ZSCAN10: variants seen among roughly 807,000 people sequenced by gnomAD.
ZSCAN10 encodes the protein zinc finger and SCAN domain-containing protein 10.
A neutral mutation model predicts 63.7 loss-of-function variants in ZSCAN10; 52 were observed. The observed-to-expected ratio is 0.82, with a 90% confidence interval of 0.65 to 1.03. The LOEUF (loss-of-function observed/expected upper bound fraction) is 1.03, where lower values mean the gene tolerates loss of function less well. ZSCAN10 is among the 50% of genes least tolerant of loss of function. The probability of loss-of-function intolerance (pLI) is 0.00; values close to 1 mark genes in which losing one functional copy is unlikely to be tolerated. For missense variants in ZSCAN10, 1,223 were observed against 1,103.8 expected, an observed-to-expected ratio of 1.11 and a Z score of -1.53; for synonymous variants, 544 against 479.6, an observed-to-expected ratio of 1.13 and a Z score of -1.76.
At chr16:3,096,219 G>A (rs1380184144) in intron 1 of ZSCAN10, among the ~76,000 whole-genome samples, 1 of 151,538 alleles carries the variant, frequency 6.6e-6, no homozygotes, top group Non-Finnish European at 1.5e-5. Flanking sequence ...TTTCTGAGCA[G>A]AGCAGAGCAG....
rs1405689803 is a variant in ZSCAN10, at chr16:3,097,396, G to T, written c.-68+1794C>A. ...CATCTCCCAACCTCAGCCACCTGGG[G>T]AAGGACTCTGACAAAATGGAACGGG... On this transcript the variant is annotated intron_variant, in intron 1 of 5. Coordinates refer to ENST00000576985, the MANE Select transcript of ZSCAN10 (RefSeq NM_032805.3). Among the ~76,000 whole-genome samples the T allele has an allele frequency of 2.6e-5, 4 of 152,240 alleles. No homozygotes were observed. In the East Asian group the frequency reaches 5.8e-4, roughly 22 times the overall value.
Position 3,089,558 on chromosome 16 carries a change from G to A in ZSCAN10, c.1876C>T (p.Arg626Cys). Residue 626 changes from arginine to cysteine, a missense_variant, in exon 6 of 6, where the codon CGC becomes TGC. Transcript: ENST00000576985. ...GQTQDLARHQ[R>C]SHTGEKPCRC... Reference sequence around the variant, plus strand: ...CAGGGCTTCTCGCCCGTGTGGCTGCGCTGGTGGCGGGCCAGATCCTGGGTC... The same window carrying A: ...CAGGGCTTCTCGCCCGTGTGGCTGCACTGGTGGCGGGCCAGATCCTGGGTC... 1.9e-6 allele frequency: 3 copies of A among 1,597,964 alleles called. No individual in the cohort carries two copies. The highest frequency in any genetic ancestry group is 2.2e-5 in the South Asian group (2 of 89,710).
intron 1 of ZSCAN10, among the ~76,000 whole-genome samples, chr16:3,097,491 A>G (rs748829908): frequency 1.3e-5 from 2 of 152,164 alleles, no homozygotes; most frequent in Admixed American, 6.5e-5. Flanking sequence ...TCAAGCTCCC[A>G]GTTTGGGAGG....
At chr16:3,092,501 A>G (rs1957096575) in intron 2 of ZSCAN10, 41 bp downstream of exon 2, 1 of 1,462,758 alleles carries the variant, frequency 6.8e-7, no homozygotes, top group Admixed American at 2.6e-5. Context: ...TCAAGTCCCC[A>G]TCATCCGCAT....
intron 1 of ZSCAN10, among the ~76,000 whole-genome samples, chr16:3,098,909 G>A (rs371932656): frequency 1.8e-4 from 27 of 152,336 alleles, no homozygotes; most frequent in Admixed American, 4.6e-4. Context: ...GTGCTGGGCT[G>A]AGTGGACAAG....
chr16:3,089,128 C>A lies in ZSCAN10; in HGVS notation c.2306G>T (p.Arg769Leu), dbSNP rs1278999386. 2 of 1,520,534 alleles carry A rather than the reference C, an allele frequency of 1.3e-6. No homozygotes were observed. Among genetic ancestry groups the A allele is most frequent in the South Asian group, 2.6e-5 (2 of 77,710 alleles). 94.2% of individuals were successfully genotyped at this position (1,520,534 alleles called of 1,614,324 possible). Residue 769 changes from arginine (R) to leucine (L), a missense_variant, in exon 6 of 6, where the codon CGC becomes CTC. Physicochemically the swap from Arg to Leu is moderately radical, Grantham distance 102. Transcript: ENST00000576985. The part of the protein sequence containing the change: ...RSFSRNSHLL[R>L]HLRTHARETL... Reference sequence around the variant, plus strand: ...CTCGCGGGCGTGGGTGCGCAGGTGGCGCAGCAGGTGGGAGTTGCGGCTGAA... The same window carrying A: ...CTCGCGGGCGTGGGTGCGCAGGTGGAGCAGCAGGTGGGAGTTGCGGCTGAA...
At chr16:3,096,716 T>C (rs1567169713) in intron 1 of ZSCAN10, among the ~76,000 whole-genome samples, 1 of 151,916 alleles carries the variant, frequency 6.6e-6, no homozygotes, top group Non-Finnish European at 1.5e-5. Context: ...TCACCTGAGG[T>C]CAGGAGTTCG....
In ZSCAN10 at chr16:3,089,882, C is replaced by T. The variant is rs536219069; in HGVS notation, c.1552G>A (p.Asp518Asn). Residue 518 changes from aspartate to asparagine, a missense_variant, in exon 6 of 6, where the codon GAC (aspartate) becomes AAC (asparagine). Physicochemically the swap from Asp to Asn is conservative, Grantham distance 23 (BLOSUM62 1). Coordinates refer to ENST00000576985, the MANE Select transcript of ZSCAN10 (RefSeq NM_032805.3). ...EGSGSRRRDS[D>N]RRPFVCSDCG... is the part of the protein sequence containing the mutation. ...TCGCTGCACACGAAGGGCCTCCGGT[C>T]GGAGTCCCGGCGGCGGCTGCCGGAG... 3.9e-6 allele frequency: 6 copies of T among 1,536,198 alleles called. No homozygotes were observed. In the East Asian group the frequency reaches 1.2e-4, roughly 31 times the overall value.
At chr16:3,094,882 G>T (rs1044237434) in intron 1 of ZSCAN10, among the ~76,000 whole-genome samples, 1 of 150,698 alleles carries the variant, frequency 6.6e-6, no homozygotes, top group African/African-American at 2.4e-5. Context: ...GGGCCAGTCG[G>T]AAAATGGTGA....
chr16:3,098,077 A>G (rs959741871), intron 1 of ZSCAN10, among the ~76,000 whole-genome samples: 5 of 150,216 alleles, frequency 3.3e-5, no homozygotes, highest in African/African-American at 9.9e-5. Context: ...GAAAGAAAGA[A>G]AAGAAAAGAA....
intron 1 of ZSCAN10, among the ~76,000 whole-genome samples, chr16:3,095,656 G>A (rs903584034): frequency 1.3e-5 from 2 of 151,634 alleles, no homozygotes; most frequent in Non-Finnish European, 2.9e-5. Context: ...GTGAAACCCC[G>A]TCTCTAATAA....
At position 3,092,272 on chromosome 16, in the gene ZSCAN10, G is replaced by T. The variant is rs777152361; in HGVS notation, c.441C>A (p.Val147=). 5.6e-6 allele frequency: 9 copies of T among 1,612,876 alleles called. No individual in the cohort carries two copies. Among genetic ancestry groups the T allele is most frequent in the Non-Finnish European group, 6.8e-6 (8 of 1,179,828 alleles). Residue 147 remains valine, a synonymous_variant, in exon 3 of 6, where the codon GTC becomes GTA. Transcript: ENST00000576985. ...AAGCACACCCCTTTTCCTCCAAGGT[G>T]ACGTCTGCACGGGGACAACTCTTGC... ...NAGKSCPRAD[V]TLEEKGCASQ...
Position 3,090,322 on chromosome 16 carries a change from G to A in ZSCAN10, c.1112C>T (p.Pro371Leu), listed in dbSNP as rs767550774. The part of the protein sequence containing the change: ...RLKAHQLRSH[P>L]AGRSFLCLCC... ...AAGGCACAGGAAGGAGCGCCCAGCC[G>A]GGTGCGAGCGCAGCTGGTGCGCCTT... Residue 371 changes from proline (P) to leucine (L), a missense_variant, in exon 6 of 6, where the codon CCG (proline) becomes CTG (leucine). By Grantham distance (98) the Pro-to-Leu change is moderately conservative (BLOSUM62 -3). Coordinates refer to ENST00000576985, the MANE Select transcript of ZSCAN10 (RefSeq NM_032805.3). The A allele has an allele frequency of 3.1e-5, 50 of 1,609,632 alleles. No individual in the cohort carries two copies. Among genetic ancestry groups the A allele is most frequent in the Admixed American group, 5.1e-5 (3 of 59,400 alleles).
At position 3,090,354 on chromosome 16, in the gene ZSCAN10, A is replaced by C; in HGVS notation, c.1080T>G (p.Ser360=). The C allele has an allele frequency of 6.2e-7, 1 of 1,612,028 alleles. No homozygotes were observed. The highest frequency in any genetic ancestry group is 8.5e-7 in the Non-Finnish European group (1 of 1,179,174). Residue 360 remains serine, a synonymous_variant, in exon 6 of 6, where the codon TCT becomes TCG. Transcript: ENST00000576985. The part of the protein sequence containing the change: ...ADCGVSFPQL[S]RLKAHQLRSH... The stretch of plus-strand genomic sequence containing the variant: ...AGCGCAGCTGGTGCGCCTTCAGGCG[A>C]GACAGCTGCGGGAAGCTCACCCCGC...
At position 3,089,069 on chromosome 16, in the gene ZSCAN10, G is replaced by T; in HGVS notation, c.*22C>A. ...ACCCCGGGTAGGTGGCGCAGGGCGCGGCTGGCGGAAGGCGGGCCAAGCTAG... is the reference window on the plus strand; with the variant it reads ...ACCCCGGGTAGGTGGCGCAGGGCGCTGCTGGCGGAAGGCGGGCCAAGCTAG... On this transcript the variant is annotated 3_prime_UTR_variant, in exon 6 of 6. Coordinates refer to ENST00000576985, the MANE Select transcript of ZSCAN10 (RefSeq NM_032805.3). 1 of 1,470,130 alleles carries T rather than the reference G, an allele frequency of 6.8e-7. No individual in the cohort carries two copies. Among genetic ancestry groups the T allele is most frequent in the Non-Finnish European group, 8.9e-7 (1 of 1,122,210 alleles). The allele number at this position is 1,470,130 out of a possible 1,614,324, so 91.1% of individuals were successfully genotyped here. A position where few individuals can be genotyped will look rare whatever the true frequency, so the allele number is the denominator to read the frequency against.
At chr16:3,091,394 A>C in intron 5 of ZSCAN10, 146 bp downstream of exon 5, 1 of 837,714 alleles carries the variant, frequency 1.2e-6, no homozygotes, top group Non-Finnish European at 2.0e-6. Context: ...CTGTAATCCT[A>C]GTACTTTGGG....
intron 1 of ZSCAN10, chr16:3,096,571 C>T (rs1267494746): frequency 1.3e-5 from 2 of 152,256 alleles, no homozygotes; most frequent in Non-Finnish European, 2.9e-5. Flanking sequence ...AACAGTGACT[C>T]ACAGTTCTGT....
At position 3,090,488 on chromosome 16, in the gene ZSCAN10, C is replaced by T. The variant is rs201096612; in HGVS notation, c.946G>A (p.Gly316Ser). ...QSLGRGAAASGPGEDGSLLGS... is the reference protein window; with the variant it reads ...QSLGRGAAASSPGEDGSLLGS... ...AGAAGGGACCCATCTTCACCAGGGC[C>T]GCTAGCCGCAGCGCCCCGTCCGAGC... Residue 316 changes from glycine to serine, a missense_variant, in exon 6 of 6, where the codon GGC becomes AGC. Coordinates refer to ENST00000576985, the MANE Select transcript of ZSCAN10 (RefSeq NM_032805.3). 6.2e-6 allele frequency: 10 copies of T among 1,613,296 alleles called. No homozygotes were observed. The highest frequency in any genetic ancestry group is 8.5e-6 in the Non-Finnish European group (10 of 1,179,834).
At chr16:3,096,167 G>T (rs1957151688) in intron 1 of ZSCAN10, among the ~76,000 whole-genome samples, 1 of 152,226 alleles carries the variant, frequency 6.6e-6, no homozygotes, top group South Asian at 2.1e-4. Flanking sequence ...AGGGGACTCA[G>T]TTCAGCCCTG....
Sources: gnomAD v4.1 joint callset for allele counts (sites outside exome capture counted in the v4.1 genomes callset) on GRCh38, gnomAD v4.1.1 for gene constraint, MANE v1.5 for transcripts, NCBI Gene and HGNC (gene_info 2026-07-23, HGNC 2026-07-21) for gene names.